Variants in FRMPD4 observed in about 807,000 individuals in gnomAD.
FRMPD4 encodes the protein FERM and PDZ domain containing 4.
In FRMPD4, 22 loss-of-function variants were observed where a neutral mutation model predicts 94.1. The ratio of observed to expected loss-of-function variants is 0.23; its 90% CI spans 0.17 to 0.33. The LOEUF (loss-of-function observed/expected upper bound fraction) is 0.33, where lower values mean the gene tolerates loss of function less well. Among genes scored for constraint, FRMPD4 ranks in the 10% least tolerant of loss-of-function variants. The probability of loss-of-function intolerance (pLI) is 1.00; values close to 1 mark genes in which losing one functional copy is unlikely to be tolerated. For synonymous variants in FRMPD4, 631 were observed against 548.6 expected, an observed-to-expected ratio of 1.15 and a Z score of -2.10; for missense variants, 1,111 against 1,339.9, an observed-to-expected ratio of 0.83 and a Z score of 2.67.
chrX:11,896,084 A>T (rs1260047146), intron 3 of FRMPD4, among the ~76,000 whole-genome samples: 1 of 112,343 alleles, frequency 8.9e-6, no homozygotes, highest in Admixed American at 9.4e-5. Context: ...TTGAGTTCTG[A>T]ATGATTTCCC....
At chrX:12,369,839 G>A (rs2056137967) in intron 1 of FRMPD4, among the ~76,000 whole-genome samples, 1 of 112,262 alleles carries the variant, frequency 8.9e-6, no homozygotes, top group Admixed American at 9.4e-5. Context: ...TAGTTCCTAT[G>A]CCAAAGAGTT....
rs557202165 is a variant in FRMPD4, at chrX:12,707,329, T to C, written c.1288-140T>C. ...AATTCAGTCATGTATCTGGTTCTTCTAATTGGATGATTTAGTACAGTATGA... is the reference window on the plus strand; with the variant it reads ...AATTCAGTCATGTATCTGGTTCTTCCAATTGGATGATTTAGTACAGTATGA... On this transcript the variant is annotated intron_variant, in intron 12 of 16. Transcript: ENST00000675598. 2.6e-4 allele frequency: 117 copies of C among 456,532 alleles called. 1 individual carries two copies. Among genetic ancestry groups the C allele is most frequent in the African/African-American group, 2.3e-3 (95 of 40,728 alleles). The allele number at this position is 456,532 out of a possible 1,213,427, so 37.6% of individuals were successfully genotyped here. A position where few individuals can be genotyped will look rare whatever the true frequency, so the allele number is the denominator to read the frequency against.
intron 2 of FRMPD4, among the ~76,000 whole-genome samples, chrX:12,509,562 A>G (rs2058022439): frequency 9.0e-6 from 1 of 111,434 alleles, no homozygotes; most frequent in African/African-American, 3.3e-5. Context: ...AAAATGACAC[A>G]ATGGACTTTG....
intron 1 of FRMPD4, among the ~76,000 whole-genome samples, chrX:12,485,851 G>A (rs1025387516): frequency 1.8e-5 from 2 of 110,214 alleles, no homozygotes; most frequent in African/African-American, 6.6e-5. Context: ...GGAGGTTGCA[G>A]TGAACCAAGA....
intron 4 of FRMPD4, among the ~76,000 whole-genome samples, chrX:12,658,041 G>C (rs1172256849): frequency 9.0e-6 from 1 of 111,621 alleles, no homozygotes; most frequent in African/African-American, 3.3e-5. Context: ...CATGGGGCCT[G>C]GTGCTTCTTG....
intron 1 of FRMPD4, among the ~76,000 whole-genome samples, chrX:12,184,867 C>A (rs760550731): frequency 2.7e-5 from 3 of 110,521 alleles, no homozygotes; most frequent in African/African-American, 9.9e-5. Context: ...GTAGGGGCGA[C>A]GTAGGGATGG....
chrX:12,505,332 G>T (rs2057969474), intron 2 of FRMPD4, among the ~76,000 whole-genome samples: 1 of 111,743 alleles, frequency 8.9e-6, no homozygotes, highest in Non-Finnish European at 1.9e-5. Context: ...GCCACGTGGG[G>T]GTGTGGGTGT....
chrX:12,594,585 G>A (rs1239368775), intron 2 of FRMPD4, among the ~76,000 whole-genome samples: 3 of 110,024 alleles, frequency 2.7e-5, no homozygotes, highest in Non-Finnish European at 3.8e-5. Context: ...ACAGGTGCCC[G>A]CCACCACGCC....
intron 1 of FRMPD4, among the ~76,000 whole-genome samples, chrX:12,471,720 A>G (rs996263851): frequency 2.7e-5 from 3 of 111,605 alleles, no homozygotes; most frequent in African/African-American, 9.8e-5. Context: ...ATGGAGGGTA[A>G]CTCTGCAACT....
At chrX:11,916,492 A>C (rs1243249059) in intron 3 of FRMPD4, among the ~76,000 whole-genome samples, 2 of 111,008 alleles carry the variant, frequency 1.8e-5, no homozygotes, top group Non-Finnish European at 3.8e-5. Flanking sequence ...TGGAGGTGGA[A>C]GGGAGAGGAG....
chrX:12,016,607 GA>G (rs912884553), intron 3 of FRMPD4, among the ~76,000 whole-genome samples: 7 of 110,179 alleles, frequency 6.4e-5, no homozygotes, highest in Admixed American at 9.6e-5. Flanking sequence ...TTAGCTAAAG[GA>G]AAAAAAAATT....
intron 1 of FRMPD4, among the ~76,000 whole-genome samples, chrX:12,238,447 C>T (rs2147789095): frequency 8.9e-6 from 1 of 111,807 alleles, no homozygotes; most frequent in African/African-American, 3.2e-5. Flanking sequence ...CCCTGTCTGG[C>T]CCTTTAAAAA....
chrX:12,203,868 A>T (rs1323577897), intron 1 of FRMPD4, among the ~76,000 whole-genome samples: 1 of 112,263 alleles, frequency 8.9e-6, no homozygotes, highest in African/African-American at 3.2e-5. Flanking sequence ...ACAGGGACTC[A>T]CTGACAACAC....
intron 1 of FRMPD4, among the ~76,000 whole-genome samples, chrX:12,340,032 T>C (rs1457597403): frequency 8.9e-6 from 1 of 112,456 alleles, no homozygotes; most frequent in East Asian, 2.8e-4. Context: ...TTGTTCTTCC[T>C]CTCCTGAGAA....
At chrX:11,887,011 T>C (rs1341185606) in intron 3 of FRMPD4, among the ~76,000 whole-genome samples, 2 of 111,632 alleles carry the variant, frequency 1.8e-5, no homozygotes, top group Non-Finnish European at 3.8e-5. Context: ...CTAGCATTCT[T>C]ATGCATTTAT....
intron 1 of FRMPD4, among the ~76,000 whole-genome samples, chrX:12,439,847 C>T (rs775991201): frequency 5.4e-5 from 6 of 111,317 alleles, no homozygotes; most frequent in Admixed American, 3.8e-4. Context: ...GGTTGTTAAC[C>T]GTTGGAACCT....
intron 1 of FRMPD4, among the ~76,000 whole-genome samples, chrX:12,191,588 A>G (rs2056492816): frequency 8.9e-6 from 1 of 112,198 alleles, no homozygotes; most frequent in Non-Finnish European, 1.9e-5. Context: ...TCAAACCATG[A>G]ATAGACATGG....
intron 4 of FRMPD4, among the ~76,000 whole-genome samples, chrX:12,665,612 G>T (rs1462422145): frequency 8.9e-6 from 1 of 111,891 alleles, no homozygotes; most frequent in East Asian, 2.8e-4. Context: ...AGAAAAGAGT[G>T]GGGGCCAATA....
At chrX:12,028,692 T>C (rs1381177396) in intron 3 of FRMPD4, among the ~76,000 whole-genome samples, 2 of 111,694 alleles carry the variant, frequency 1.8e-5, no homozygotes, top group Non-Finnish European at 3.8e-5. Flanking sequence ...ACTATCTGCA[T>C]AGTTTTGACT....
Sources: gnomAD v4.1 joint callset for allele counts (sites outside exome capture counted in the v4.1 genomes callset) on GRCh38, gnomAD v4.1.1 for gene constraint, MANE v1.5 for transcripts, NCBI Gene and HGNC (gene_info 2026-07-23, HGNC 2026-07-21) for gene names.